Variants in FBXL7 observed in about 807,000 individuals in gnomAD.
FBXL7 encodes the protein F-box and leucine rich repeat protein 7, also known as F-box/LRR-repeat protein 7.
Under a neutral mutation model 38.3 loss-of-function variants are expected in FBXL7, and 12 were observed. The ratio of observed to expected loss-of-function variants is 0.31; its 90% CI spans 0.20 to 0.51. The LOEUF is 0.51. FBXL7 is among the 20% of genes least tolerant of loss of function. The probability of loss-of-function intolerance (pLI) is 0.98; values close to 1 mark genes in which losing one functional copy is unlikely to be tolerated. For synonymous variants in FBXL7, 297 were observed against 300.9 expected, an observed-to-expected ratio of 0.99 and a Z score of 0.13; for missense variants, 567 against 676.4, an observed-to-expected ratio of 0.84 and a Z score of 1.79.
chr5:15,815,661 A>G (rs2126758385), intron 2 of FBXL7, among the ~76,000 whole-genome samples: 1 of 152,326 alleles, frequency 6.6e-6, no homozygotes, highest in African/African-American at 2.4e-5. Flanking sequence ...TACAGGATTT[A>G]TACTCAATTA....
chr5:15,652,827 G>C (rs1283894551), intron 2 of FBXL7, among the ~76,000 whole-genome samples: 2 of 152,154 alleles, frequency 1.3e-5, no homozygotes, highest in Non-Finnish European at 2.9e-5. Context: ...TAGCCCAACA[G>C]GGTGACTGTA....
chr5:15,515,371 G>A (rs1261806111), intron 1 of FBXL7, among the ~76,000 whole-genome samples: 2 of 152,222 alleles, frequency 1.3e-5, no homozygotes, highest in East Asian at 1.9e-4. Context: ...CCTGGCTGCT[G>A]CCATTGGTGC....
chr5:15,504,460 A>G (rs1454442934), intron 1 of FBXL7, among the ~76,000 whole-genome samples: 1 of 152,130 alleles, frequency 6.6e-6, no homozygotes, highest in African/African-American at 2.4e-5. Flanking sequence ...CAGTCCTGAA[A>G]TCCTTGCTTT....
chr5:15,605,548 C>T (rs1739977506), intron 1 of FBXL7, among the ~76,000 whole-genome samples: 1 of 152,108 alleles, frequency 6.6e-6, no homozygotes, highest in Non-Finnish European at 1.5e-5. Flanking sequence ...TCATAGAGAT[C>T]AAAAGCAGAT....
chr5:15,547,121 T>G (rs1737920291), intron 1 of FBXL7, among the ~76,000 whole-genome samples: 1 of 152,126 alleles, frequency 6.6e-6, no homozygotes, highest in African/African-American at 2.4e-5. Context: ...TGGAGTGCAT[T>G]TGAGGTTGCC....
intron 2 of FBXL7, among the ~76,000 whole-genome samples, chr5:15,883,487 A>G (rs1029789561): frequency 6.6e-6 from 1 of 152,114 alleles, no homozygotes; most frequent in African/African-American, 2.4e-5. Context: ...ATGCATAACA[A>G]TTTTTTCGTG....
At chr5:15,556,236 G>A (rs1051642027) in intron 1 of FBXL7, among the ~76,000 whole-genome samples, 5 of 152,038 alleles carry the variant, frequency 3.3e-5, no homozygotes, top group African/African-American at 7.2e-5. Context: ...AAAGCTGGCC[G>A]TGTAAGTCAA....
intron 2 of FBXL7, among the ~76,000 whole-genome samples, chr5:15,646,470 T>C (rs1741536850): frequency 6.6e-6 from 1 of 152,208 alleles, no homozygotes; most frequent in Non-Finnish European, 1.5e-5. Flanking sequence ...CAAGTTGAGC[T>C]GGAACCAGGC....
intron 3 of FBXL7, among the ~76,000 whole-genome samples, chr5:15,933,481 AAAAC>A (rs1742093791): frequency 6.6e-6 from 1 of 152,190 alleles, no homozygotes; most frequent in African/African-American, 2.4e-5. Context: ...CTACCATAGA[AAAAC>A]AAATTCAGTG....
At chr5:15,712,803 T>C (rs1743919083) in intron 2 of FBXL7, among the ~76,000 whole-genome samples, 1 of 152,078 alleles carries the variant, frequency 6.6e-6, no homozygotes, top group Non-Finnish European at 1.5e-5. Flanking sequence ...GAAGGACAGG[T>C]ATTCCCTTTA....
intron 2 of FBXL7, among the ~76,000 whole-genome samples, chr5:15,834,415 C>G (rs1039585636): frequency 1.3e-5 from 2 of 152,144 alleles, no homozygotes; most frequent in Non-Finnish European, 2.9e-5. Flanking sequence ...GCATATTCAT[C>G]TGGTTGGCTC....
intron 2 of FBXL7, among the ~76,000 whole-genome samples, chr5:15,646,498 T>C (rs1170334755): frequency 6.6e-6 from 1 of 152,222 alleles, no homozygotes; most frequent in Admixed American, 6.5e-5. Flanking sequence ...CTGTCTCACA[T>C]ACTGCCTCTA....
intron 2 of FBXL7, among the ~76,000 whole-genome samples, chr5:15,687,911 G>A (rs777075882): frequency 7.9e-5 from 12 of 152,126 alleles, no homozygotes; most frequent in Non-Finnish European, 1.5e-4. Context: ...GCTTTTCGAG[G>A]AACTGTTCAC....
chr5:15,585,813 G>GC (rs1261902187), intron 1 of FBXL7, among the ~76,000 whole-genome samples: 1 of 152,186 alleles, frequency 6.6e-6, no homozygotes, highest in African/African-American at 2.4e-5. Context: ...TTACACATGA[G>GC]CATGTATCTT....
intron 1 of FBXL7, among the ~76,000 whole-genome samples, chr5:15,535,848 G>A (rs1040022428): frequency 1.3e-5 from 2 of 152,230 alleles, no homozygotes; most frequent in African/African-American, 4.8e-5. Context: ...AAGTAATAAG[G>A]AGTTGAATGT....
chr5:15,643,552 G>A (rs1275623093), intron 2 of FBXL7, among the ~76,000 whole-genome samples: 1 of 152,152 alleles, frequency 6.6e-6, no homozygotes, highest in African/African-American at 2.4e-5. Flanking sequence ...GCCAGGGTTG[G>A]AAATGTGGGT....
At chr5:15,569,410 A>C (rs2126449442) in intron 1 of FBXL7, among the ~76,000 whole-genome samples, 1 of 151,412 alleles carries the variant, frequency 6.6e-6, no homozygotes, top group Non-Finnish European at 1.5e-5. Context: ...TTGGTGTATA[A>C]GAATGCTTGT....
At chr5:15,541,542 T>C (rs1737754342) in intron 1 of FBXL7, among the ~76,000 whole-genome samples, 1 of 120,848 alleles carries the variant, frequency 8.3e-6, no homozygotes, top group East Asian at 2.4e-4. Flanking sequence ...CACTCACTCC[T>C]CTTTTTTTTT....
Position 15,672,699 on chromosome 5 carries a change from C to T in FBXL7, c.127+56627C>T, listed in dbSNP as rs112307517. ...CCTCCCAAGTAGCTGAGACTACAGG[C>T]GCATGCCATCACATCTGGCTAATTT... On this transcript the variant is annotated intron_variant, in intron 2 of 3. Coordinates refer to ENST00000504595, the MANE Select transcript of FBXL7 (RefSeq NM_012304.5). Among the ~76,000 whole-genome samples the T allele has an allele frequency of 6.4e-3, 969 of 151,988 alleles. 8 individuals carry two copies. The highest frequency in any genetic ancestry group is 0.023 in the African/African-American group (936 of 41,460).
Sources: gnomAD v4.1 joint callset for allele counts (sites outside exome capture counted in the v4.1 genomes callset) on GRCh38, gnomAD v4.1.1 for gene constraint, MANE v1.5 for transcripts, NCBI Gene and HGNC (gene_info 2026-07-23, HGNC 2026-07-21) for gene names.